Variants in CRTAC1 observed in about 807,000 individuals in gnomAD.
CRTAC1 encodes cartilage acidic protein 1, also known as acidic secreted protein in cartilage.
A neutral mutation model predicts 67.8 loss-of-function variants in CRTAC1; 37 were observed. That is an observed-to-expected ratio of 0.55 (90% CI 0.42 to 0.72). The LOEUF (loss-of-function observed/expected upper bound fraction) is 0.72. CRTAC1 is among the 30% of genes least tolerant of loss of function. The pLI is 0.00. For missense variants in CRTAC1, 780 were observed against 931.6 expected (o/e 0.84, Z 2.12); for synonymous variants, 348 against 371.0 (o/e 0.94, Z 0.71).
At chr10:98,026,165 C>T (rs891499870) in intron 1 of CRTAC1, among the ~76,000 whole-genome samples, 10 of 152,208 alleles carry the variant, frequency 6.6e-5, no homozygotes, top group African/African-American at 2.4e-4. Context: ...CCTCCAGCTT[C>T]GCTCCCCTAC....
rs1274649036 is a variant in CRTAC1, at chr10:98,029,524, G to A, written c.24+925C>T. On this transcript the variant is annotated intron_variant, in intron 1 of 14. Transcript: ENST00000370597. The surrounding 1 kb of genome is among the most constrained non-coding windows in gnomAD (Gnocchi z 4.7). Reference sequence around the variant, plus strand: ...CGGCGGCGGCGGCGGCGGCGGCGGCGGCGGCAGCAGCAGCAATATTCATTA... The same window carrying A: ...CGGCGGCGGCGGCGGCGGCGGCGGCAGCGGCAGCAGCAGCAATATTCATTA... Among the ~76,000 whole-genome samples, 1 of 130,670 alleles carries A rather than the reference G, an allele frequency of 7.7e-6. No individual in the cohort carries two copies. The highest frequency in any genetic ancestry group is 4.2e-5 in the African/African-American group (1 of 23,612). The allele number at this position is 130,670 out of a possible 152,430, so 85.7% of individuals were successfully genotyped here.
At chr10:97,941,780 A>T (rs2051181319) in intron 2 of CRTAC1, among the ~76,000 whole-genome samples, 1 of 151,734 alleles carries the variant, frequency 6.6e-6, no homozygotes. Context: ...CCCTAATTTA[A>T]CTCCCCCACA....
At chr10:97,886,625 A>G (rs527567522) in intron 11 of CRTAC1, among the ~76,000 whole-genome samples, 24 of 149,286 alleles carry the variant, frequency 1.6e-4, no homozygotes, top group African/African-American at 5.9e-4. Context: ...GGGAGTGCCA[A>G]CTACAGATTT....
intron 3 of CRTAC1, among the ~76,000 whole-genome samples, chr10:97,935,338 G>T (rs1416833683): frequency 6.6e-6 from 1 of 152,186 alleles, no homozygotes; most frequent in African/African-American, 2.4e-5. Context: ...TGCTACTTAA[G>T]TATTAACTGT....
Position 97,944,241 on chromosome 10 carries a change from A to T in CRTAC1, c.225-7875T>A, listed in dbSNP as rs193279644. Among the ~76,000 whole-genome samples, 626 of 152,264 alleles carry T rather than the reference A, an allele frequency of 4.1e-3. 3 individuals carry two copies. Among genetic ancestry groups the T allele is most frequent in the African/African-American group, 0.014 (566 of 41,546 alleles). ...TCAGGAGTTCAAGACCAGCCTGGCC[A>T]ACATGGTGAAACCCCATCTCTACTA... is the stretch of plus-strand genomic sequence containing the variant. On this transcript the variant is annotated intron_variant, in intron 2 of 14. Transcript: ENST00000370597.
intron 5 of CRTAC1, among the ~76,000 whole-genome samples, chr10:97,914,732 G>A (rs2050734718): frequency 6.6e-6 from 1 of 152,180 alleles, no homozygotes; most frequent in Non-Finnish European, 1.5e-5. Flanking sequence ...GCCATGTCCA[G>A]AACCCAGTTC....
chr10:97,901,447 G>A (rs1156968792), intron 8 of CRTAC1, 56 bp downstream of exon 8: 14 of 1,609,822 alleles, frequency 8.7e-6, no homozygotes, highest in African/African-American at 1.3e-5. Context: ...CTCCCTGACC[G>A]TTCCTCCCAC....
intron 2 of CRTAC1, among the ~76,000 whole-genome samples, chr10:97,947,664 T>C (rs537488587): frequency 1.3e-5 from 2 of 152,340 alleles, no homozygotes; most frequent in African/African-American, 4.8e-5. Context: ...AGATTGTCGG[T>C]AAAGGATGTT....
intron 2 of CRTAC1, among the ~76,000 whole-genome samples, chr10:97,954,028 T>A (rs2051401743): frequency 6.6e-6 from 1 of 152,080 alleles, no homozygotes; most frequent in Non-Finnish European, 1.5e-5. Flanking sequence ...TGTCGAGACG[T>A]CTCTACAGCT....
intron 5 of CRTAC1, among the ~76,000 whole-genome samples, chr10:97,911,367 C>T (rs2050686022): frequency 1.3e-5 from 2 of 152,224 alleles, no homozygotes; most frequent in African/African-American, 2.4e-5. Flanking sequence ...GGGTTGAAGC[C>T]TTGTACCATT....
chr10:98,017,313 T>C (rs1287124753), intron 1 of CRTAC1, among the ~76,000 whole-genome samples: 1 of 152,034 alleles, frequency 6.6e-6, no homozygotes, highest in Non-Finnish European at 1.5e-5. Context: ...ACACCCCGTG[T>C]AAAGGCAATG....
At chr10:97,941,505 G>A (rs557412814) in intron 2 of CRTAC1, among the ~76,000 whole-genome samples, 4 of 152,104 alleles carry the variant, frequency 2.6e-5, no homozygotes, top group South Asian at 4.2e-4. Flanking sequence ...CCCCTTGGAC[G>A]TCCACTGCCA....
At chr10:97,950,240 C>CAGAG (rs1336847727) in intron 2 of CRTAC1, among the ~76,000 whole-genome samples, 4 of 104,126 alleles carry the variant, frequency 3.8e-5, no homozygotes, top group African/African-American at 1.5e-4. Context: ...CGTGCACACA[C>CAGAG]ACACACAGAG....
chr10:97,895,931 T>C lies in CRTAC1; in HGVS notation c.1271A>G (p.His424Arg). 2 of 1,614,106 alleles carry C rather than the reference T, an allele frequency of 1.2e-6. No homozygotes were observed. Among genetic ancestry groups the C allele is most frequent in the Non-Finnish European group, 1.7e-6 (2 of 1,179,978 alleles). The change falls in exon 10 of 15, where the codon CAT becomes CGT. Residue 424 changes from histidine to arginine, a missense_variant. Coordinates refer to ENST00000370597, the MANE Select transcript of CRTAC1 (RefSeq NM_018058.7). This position sits in a 1 kb window ranked among gnomAD's most constrained non-coding sequence, Gnocchi z 4.2. ...CAGCGGCTGAGCCATGGACTCTCCATGGGACAAGATGAGGTCCAGCATCCC... is the reference window on the plus strand; with the variant it reads ...CAGCGGCTGAGCCATGGACTCTCCACGGGACAAGATGAGGTCCAGCATCCC... ...GDGMLDLILS[H>R]GESMAQPLSV...
chr10:97,908,373 A>T (rs558504270), intron 5 of CRTAC1, among the ~76,000 whole-genome samples: 1 of 152,322 alleles, frequency 6.6e-6, no homozygotes, highest in African/African-American at 2.4e-5. Flanking sequence ...AAGGAGCTCA[A>T]CCGGGCATGG....
intron 1 of CRTAC1, among the ~76,000 whole-genome samples, chr10:98,021,620 A>G (rs7067637): frequency 0.11 from 16,213 of 152,264 alleles, 2,739 homozygotes; most frequent in African/African-American, 0.35. Context: ...AGTGCTGAGC[A>G]TAATGCCTGG....
chr10:97,873,905 A>G (rs552435501), intron 14 of CRTAC1, among the ~76,000 whole-genome samples: 1 of 152,284 alleles, frequency 6.6e-6, no homozygotes, highest in East Asian at 1.9e-4. Context: ...TCAGATCTGT[A>G]TTTAATCCCA....
intron 3 of CRTAC1, among the ~76,000 whole-genome samples, chr10:97,925,770 C>T (rs538534158): frequency 3.3e-5 from 5 of 151,866 alleles, no homozygotes; most frequent in African/African-American, 4.8e-5. Flanking sequence ...TGAGTGTGAG[C>T]GTAGAGTGCG....
chr10:97,905,457 A>G (rs1297820992), intron 6 of CRTAC1, among the ~76,000 whole-genome samples: 1 of 152,148 alleles, frequency 6.6e-6, no homozygotes, highest in Non-Finnish European at 1.5e-5. Flanking sequence ...CTGACCACGC[A>G]TCTGAGACAG....
Sources: gnomAD v4.1 joint callset for allele counts (sites outside exome capture counted in the v4.1 genomes callset) on GRCh38, gnomAD v4.1.1 for gene constraint, Gnocchi (gnomAD v3.1) non-coding constraint, MANE v1.5 for transcripts, NCBI Gene and HGNC (gene_info 2026-07-23, HGNC 2026-07-21) for gene names.